Variants in ENTPD7 observed in about 807,000 individuals in gnomAD.
The protein encoded by ENTPD7 is ectonucleoside triphosphate diphosphohydrolase 7.
Under a neutral mutation model 77.9 loss-of-function variants are expected in ENTPD7, and 53 were observed. The ratio of observed to expected loss-of-function variants is 0.68; its 90% CI spans 0.55 to 0.85. ENTPD7 has a LOEUF of 0.85. Ranked by LOEUF, ENTPD7 falls within the 40% of genes least tolerant of loss-of-function variation. The probability of loss-of-function intolerance (pLI) is 0.00; values close to 1 mark genes in which losing one functional copy is unlikely to be tolerated. For missense variants in ENTPD7, 636 were observed against 743.7 expected (o/e 0.86, Z 1.68); for synonymous variants, 248 against 274.9 (o/e 0.90, Z 0.97).
At chr10:99,681,260 C>G (rs1182990737) in intron 5 of ENTPD7, among the ~76,000 whole-genome samples, 1 of 143,472 alleles carries the variant, frequency 7.0e-6, no homozygotes, top group East Asian at 2.2e-4. Flanking sequence ...GATCATATGA[C>G]AGTTTGATTA....
At chr10:99,702,436 C>T (rs10748790) in intron 11 of ENTPD7, 76 bp from the exon 12 acceptor site, 1,105,140 of 1,273,916 alleles carry the variant, frequency 0.87, 480,385 homozygotes, top group Middle Eastern at 0.9. Flanking sequence ...TGTGGGAATA[C>T]GGAGTGGCTT....
At chr10:99,704,187 A>G (rs1481979943) in intron 12 of ENTPD7, among the ~76,000 whole-genome samples, 2 of 152,168 alleles carry the variant, frequency 1.3e-5, no homozygotes, top group South Asian at 4.1e-4. Flanking sequence ...TTGGGATTCA[A>G]TTTCAAAGGC....
rs1363044917 is a variant in ENTPD7 at position 99,710,445 on chromosome 10, G to T, written c.*5762G>T. The T allele has an allele frequency of 1.0e-6, 1 of 984,542 alleles. No homozygotes were observed. Among genetic ancestry groups the T allele is most frequent in the East Asian group, 1.1e-4 (1 of 8,760 alleles). The allele number at this position is 984,542 out of a possible 1,614,324, so 61.0% of individuals were successfully genotyped here. A position where few individuals can be genotyped will look rare whatever the true frequency, so the allele number is the denominator to read the frequency against. On this transcript the variant is annotated 3_prime_UTR_variant, in exon 13 of 13. Coordinates refer to ENST00000370489, the MANE Select transcript of ENTPD7 (RefSeq NM_020354.5). Reference sequence around the variant, plus strand: ...GTAGTGAAAGACATCTTTTTATTATGATCTACACTTTAAAAAACCAAAGGC... The same window carrying T: ...GTAGTGAAAGACATCTTTTTATTATTATCTACACTTTAAAAAACCAAAGGC...
chr10:99,671,237 A>G (rs1338858285), intron 3 of ENTPD7, among the ~76,000 whole-genome samples: 1 of 152,064 alleles, frequency 6.6e-6, no homozygotes, highest in Non-Finnish European at 1.5e-5. Context: ...ATAATAAATT[A>G]ACCTTAACTT....
chr10:99,688,972 T>G (rs1041047448), intron 7 of ENTPD7, among the ~76,000 whole-genome samples: 98 of 152,290 alleles, frequency 6.4e-4, no homozygotes, highest in African/African-American at 2.3e-3. Context: ...TGAACCTCCA[T>G]GGACCCATTA....
In ENTPD7 at chr10:99,706,350, T is replaced by C. The variant is rs1444103501; in HGVS notation, c.*1667T>C. On this transcript the variant is annotated 3_prime_UTR_variant, in exon 13 of 13. Coordinates refer to ENST00000370489, the MANE Select transcript of ENTPD7 (RefSeq NM_020354.5). ...AGACTCTGTTCCTTTTTTTTTTTCT[T>C]GGAGACAGGGCCTCACGCTGTCACC... is the stretch of plus-strand genomic sequence containing the variant. 1.3e-5 allele frequency: 2 copies of C among 151,966 alleles called. No homozygotes were observed. Among genetic ancestry groups the C allele is most frequent in the Non-Finnish European group, 2.9e-5 (2 of 67,988 alleles). The allele number at this position is 151,966 out of a possible 1,614,324, so 9.4% of individuals were successfully genotyped here.
intron 7 of ENTPD7, among the ~76,000 whole-genome samples, chr10:99,689,220 G>A (rs191151456): frequency 2.0e-5 from 3 of 152,052 alleles, no homozygotes; most frequent in East Asian, 3.9e-4. Context: ...CATACAATAC[G>A]TATCTAATAC....
intron 5 of ENTPD7, among the ~76,000 whole-genome samples, chr10:99,681,025 G>A (rs1329368744): frequency 6.6e-6 from 1 of 152,126 alleles, no homozygotes; most frequent in African/African-American, 2.4e-5. Context: ...CATCCACCTT[G>A]TCACATATTG....
chr10:99,670,562 C>G (rs566208947), intron 3 of ENTPD7, among the ~76,000 whole-genome samples: 1 of 152,210 alleles, frequency 6.6e-6, no homozygotes, highest in African/African-American at 2.4e-5. Flanking sequence ...ATGGTACAGC[C>G]TACTACACAC....
intron 5 of ENTPD7, among the ~76,000 whole-genome samples, chr10:99,685,136 A>T (rs1427464916): frequency 6.6e-6 from 1 of 152,222 alleles, no homozygotes; most frequent in African/African-American, 2.4e-5. Flanking sequence ...CCATGCCTGT[A>T]ATCCCAGCTA....
chr10:99,678,544 GA>G (rs1302331429), intron 3 of ENTPD7, among the ~76,000 whole-genome samples: 2 of 151,518 alleles, frequency 1.3e-5, no homozygotes, highest in Non-Finnish European at 2.9e-5. Context: ...TTGTTTTTAT[GA>G]ATTACATTTT....
At chr10:99,663,600 C>T (rs1233496767) in intron 3 of ENTPD7, among the ~76,000 whole-genome samples, 1 of 152,014 alleles carries the variant, frequency 6.6e-6, no homozygotes, top group African/African-American at 2.4e-5. Flanking sequence ...ACTGGGACTA[C>T]AGGCATATGC....
intron 3 of ENTPD7, among the ~76,000 whole-genome samples, chr10:99,675,828 C>T (rs2035674931): frequency 6.6e-6 from 1 of 152,070 alleles, no homozygotes; most frequent in Non-Finnish European, 1.5e-5. Context: ...TACCTCCTGA[C>T]CTCATGATCC....
chr10:99,696,019 C>T lies in ENTPD7; in HGVS notation c.907C>T (p.His303Tyr). 5 of 1,614,158 alleles carry T rather than the reference C, an allele frequency of 3.1e-6. No individual in the cohort carries two copies. Among genetic ancestry groups the T allele is most frequent in the Non-Finnish European group, 4.2e-6 (5 of 1,180,014 alleles). Residue 303 changes from histidine (H) to tyrosine (Y), a missense_variant, in exon 9 of 13, where the codon CAC becomes TAC. This residue lies in a region of ENTPD7 where 486 missense variants were observed against 556.5 expected (regional missense o/e 0.87). Coordinates refer to ENST00000370489, the MANE Select transcript of ENTPD7 (RefSeq NM_020354.5). ...NLGCDVQHTE[H>Y]VYRVYVTTFL... ...GGGCTGTGATGTGCAACACACTGAA[C>T]ACGTGTACAGGGTTTATGTCACAAC...
At position 99,709,082 on chromosome 10, in the gene ENTPD7, AC is replaced by A; in HGVS notation, c.*4400del. 1 of 981,490 alleles carries A rather than the reference AC, an allele frequency of 1.0e-6. No homozygotes were observed. The highest frequency in any genetic ancestry group is 1.2e-6 in the Non-Finnish European group (1 of 826,338). 60.8% of individuals were successfully genotyped at this position (981,490 alleles called of 1,614,324 possible). A position where few individuals can be genotyped will look rare whatever the true frequency, so the allele number is the denominator to read the frequency against. On this transcript the variant is annotated 3_prime_UTR_variant, in exon 13 of 13. Coordinates refer to ENST00000370489, the MANE Select transcript of ENTPD7 (RefSeq NM_020354.5). ...TTCTTTTCGTACTTTTAAATTTTAT[AC>A]ATCTTTTTAAAACAATTTTATACAA...
At position 99,698,735 on chromosome 10, in the gene ENTPD7, T is replaced by C; in HGVS notation, c.1212T>C (p.Tyr404=). ...GCCAGGCCTCACTCAATGGCATATA[T>C]CAATCGCCTATTGACTTCAACAACA... ...NTSQASLNGI[Y]QSPIDFNNSE... Residue 404 remains tyrosine, a synonymous_variant, in exon 10 of 13, where the codon TAT becomes TAC. Coordinates refer to ENST00000370489, the MANE Select transcript of ENTPD7 (RefSeq NM_020354.5). The C allele has an allele frequency of 6.2e-7, 1 of 1,614,214 alleles. No individual in the cohort carries two copies. Among genetic ancestry groups the C allele is most frequent in the Non-Finnish European group, 8.5e-7 (1 of 1,180,034 alleles).
intron 7 of ENTPD7, among the ~76,000 whole-genome samples, chr10:99,690,784 C>T (rs1355421401): frequency 6.6e-6 from 1 of 151,988 alleles, no homozygotes; most frequent in East Asian, 1.9e-4. Context: ...TTGTGATCTG[C>T]CTGCCTCAGT....
chr10:99,685,927 C>T (rs777437077), intron 6 of ENTPD7, 32 bp downstream of exon 6: 77 of 1,458,088 alleles, frequency 5.3e-5, no homozygotes, highest in Non-Finnish European at 6.8e-5. Flanking sequence ...AGCTGGTTAA[C>T]CTCTAAGCCA....
intron 8 of ENTPD7, among the ~76,000 whole-genome samples, chr10:99,692,530 C>CT (rs3047437): frequency 0.43 from 62,096 of 145,824 alleles, 13,568 homozygotes; most frequent in Middle Eastern, 0.63. Flanking sequence ...TGAGAGTAGG[C>CT]TTTTTTTTTT....
Sources: gnomAD v4.1 joint callset for allele counts (sites outside exome capture counted in the v4.1 genomes callset) on GRCh38, gnomAD v4.1.1 for gene constraint, gnomAD v4.1.1 regional missense constraint, MANE v1.5 for transcripts, NCBI Gene and HGNC (gene_info 2026-07-23, HGNC 2026-07-21) for gene names.